Variants in RB1 observed in about 807,000 individuals in gnomAD.
RB1 encodes the protein RB transcriptional corepressor 1.
A neutral mutation model predicts 135.4 loss-of-function variants in RB1; 18 were observed. That is an observed-to-expected ratio of 0.13 (90% confidence interval 0.09 to 0.20). The LOEUF is 0.20. RB1 is among the 10% of genes least tolerant of loss of function. The pLI is 1.00. For missense variants in RB1, 868 were observed against 1,110.0 expected (o/e 0.78, Z 3.10); for synonymous variants, 365 against 373.2 (o/e 0.98, Z 0.25).
At chr13:48,369,719 C>T (rs1229615006) in intron 11 of RB1, among the ~76,000 whole-genome samples, 8 of 152,118 alleles carry the variant, frequency 5.3e-5, no homozygotes, top group African/African-American at 1.9e-4. Flanking sequence ...AAATTTCCTC[C>T]TTTTCTTTCC....
At chr13:48,370,072 A>G (rs1952742990) in intron 11 of RB1, among the ~76,000 whole-genome samples, 1 of 152,190 alleles carries the variant, frequency 6.6e-6, no homozygotes, top group Admixed American at 6.5e-5. Flanking sequence ...TATACTTTGG[A>G]CAAGATAATG....
At chr13:48,477,656 A>G (rs1184217741) in intron 26 of RB1, among the ~76,000 whole-genome samples, 1 of 152,198 alleles carries the variant, frequency 6.6e-6, no homozygotes, top group Non-Finnish European at 1.5e-5. Context: ...TTGCTTGACC[A>G]CATTCAACAC....
chr13:48,460,527 A>C (rs560338171), intron 20 of RB1, among the ~76,000 whole-genome samples: 113 of 152,338 alleles, frequency 7.4e-4, no homozygotes, highest in African/African-American at 2.7e-3. Context: ...ATATCATTTT[A>C]GTGTGAAAAA....
At chr13:48,453,168 A>C in intron 18 of RB1, 57 bp downstream of exon 18, 1 of 1,472,076 alleles carries the variant, frequency 6.8e-7, no homozygotes, top group Non-Finnish European at 9.4e-7. Context: ...TTTAAGCATA[A>C]GTGCAATGTA....
chr13:48,338,350 C>T (rs1246291682), intron 2 of RB1, among the ~76,000 whole-genome samples: 1 of 152,158 alleles, frequency 6.6e-6, no homozygotes, highest in African/African-American at 2.4e-5. Flanking sequence ...TCACAGAGTC[C>T]GGTATTTCTT....
At chr13:48,346,237 C>T (rs892603009) in intron 4 of RB1, among the ~76,000 whole-genome samples, 2 of 150,398 alleles carry the variant, frequency 1.3e-5, no homozygotes, top group Admixed American at 1.3e-4. Context: ...TTATAGAATA[C>T]TTGGAAAACA....
rs1161021896 is a variant in RB1, at chr13:48,415,687, GT to G, written c.1695+34245del. ...ATTATCAGTATCATAGTAAATGTTT[GT>G]ATAATTCTTACCACAATTCTTGGTT... On this transcript the variant is annotated intron_variant, in intron 17 of 26. Coordinates refer to ENST00000267163, the MANE Select transcript of RB1 (RefSeq NM_000321.3). 2.6e-5 allele frequency: 4 copies of G among 152,250 alleles called. 1 individual carries two copies. The South Asian group carries it at 6.2e-4, about 24-fold the overall frequency. The allele number at this position is 152,250 out of a possible 1,614,324, so 9.4% of individuals were successfully genotyped here. A position where few individuals can be genotyped will look rare whatever the true frequency, so the allele number is the denominator to read the frequency against.
At chr13:48,347,680 T>G in intron 4 of RB1, 145 bp from the exon 5 acceptor site, 1 of 587,608 alleles carries the variant, frequency 1.7e-6, no homozygotes, top group East Asian at 2.9e-5. Flanking sequence ...TGGGAAAATC[T>G]ACTTGAACTT....
intron 7 of RB1, among the ~76,000 whole-genome samples, chr13:48,361,846 G>C (rs557201635): frequency 6.6e-6 from 1 of 151,310 alleles, no homozygotes; most frequent in Non-Finnish European, 1.5e-5. Context: ...CATATTCTGT[G>C]GTATAGTTTA....
chr13:48,393,811 T>C (rs545842267), intron 17 of RB1, among the ~76,000 whole-genome samples: 1 of 152,370 alleles, frequency 6.6e-6, no homozygotes, highest in East Asian at 1.9e-4. Context: ...TTGAGTCTCC[T>C]TTAAATGTGT....
chr13:48,394,793 G>T (rs539521972), intron 17 of RB1, among the ~76,000 whole-genome samples: 2 of 152,206 alleles, frequency 1.3e-5, no homozygotes, highest in African/African-American at 2.4e-5. Context: ...CAGAGCACGT[G>T]GGGGAAGGCG....
intron 2 of RB1, among the ~76,000 whole-genome samples, chr13:48,314,949 T>C (rs1254304432): frequency 6.6e-6 from 1 of 152,194 alleles, no homozygotes; most frequent in Non-Finnish European, 1.5e-5. Context: ...AAGGATGAAA[T>C]TGGGTAATGT....
At chr13:48,353,413 A>G (rs944892141) in intron 6 of RB1, among the ~76,000 whole-genome samples, 1 of 152,146 alleles carries the variant, frequency 6.6e-6, no homozygotes, top group African/African-American at 2.4e-5. Flanking sequence ...CCAAAACCTG[A>G]ACAGACCAAT....
intron 2 of RB1, among the ~76,000 whole-genome samples, chr13:48,321,883 C>T (rs1454795101): frequency 6.6e-6 from 1 of 152,062 alleles, no homozygotes. Flanking sequence ...AAAATCCATT[C>T]ATCTAGTTTG....
intron 17 of RB1, among the ~76,000 whole-genome samples, chr13:48,396,408 A>G (rs916371477): frequency 6.6e-6 from 1 of 152,234 alleles, no homozygotes; most frequent in Admixed American, 6.5e-5. Context: ...AGGATTCCCT[A>G]TTTAATAAAT....
intron 9 of RB1, 139 bp downstream of exon 9, chr13:48,365,110 G>T: frequency 2.8e-6 from 3 of 1,082,064 alleles, no homozygotes; most frequent in South Asian, 4.3e-5. Flanking sequence ...GTAGAATTGT[G>T]GTGAAACTAA....
At chr13:48,317,717 C>A in intron 2 of RB1, 1 of 518,630 alleles carries the variant, frequency 1.9e-6, no homozygotes, top group Non-Finnish European at 3.0e-6. Context: ...GCGGGGAGCC[C>A]CTTCCTGCCC....
intron 4 of RB1, among the ~76,000 whole-genome samples, chr13:48,347,236 G>C (rs937784541): frequency 6.6e-6 from 1 of 152,078 alleles, no homozygotes; most frequent in African/African-American, 2.4e-5. Context: ...TGTCCGAATA[G>C]GGTTTACAGG....
intron 2 of RB1, chr13:48,320,012 G>A: frequency 4.6e-6 from 2 of 437,366 alleles, no homozygotes. Flanking sequence ...GGAAGGCTGG[G>A]CTGCGCCTGG....
Sources: allele counts gnomAD v4.1 joint callset (sites outside exome capture counted in the v4.1 genomes callset), GRCh38; gene constraint gnomAD v4.1.1; transcripts MANE v1.5; gene names NCBI Gene and HGNC (gene_info 2026-07-23, HGNC 2026-07-21).